The following CNTN3 variants were observed in gnomAD, a reference collection of about 807,000 sequenced individuals.
The protein encoded by CNTN3 is contactin 3, also known as contactin-3.
A neutral mutation model predicts 119.1 loss-of-function variants in CNTN3; 60 were observed. The ratio of observed to expected loss-of-function variants is 0.50; its 90% CI spans 0.41 to 0.62. The LOEUF is 0.62. Ranked by LOEUF, CNTN3 falls within the 20% of genes least tolerant of loss-of-function variation. The probability of loss-of-function intolerance (pLI) is 0.00; values close to 1 mark genes in which losing one functional copy is unlikely to be tolerated. For missense variants in CNTN3, 1,101 were observed against 1,242.4 expected, an observed-to-expected ratio of 0.89 and a Z score of 1.71; for synonymous variants, 450 against 438.7, an observed-to-expected ratio of 1.03 and a Z score of -0.32.
At chr3:74,480,427 G>A (rs1247276519) in intron 4 of CNTN3, among the ~76,000 whole-genome samples, 3 of 151,976 alleles carry the variant, frequency 2.0e-5, no homozygotes, top group Non-Finnish European at 4.4e-5. Context: ...TGCTGTGGTG[G>A]TAAGGTGGTG....
At chr3:74,291,966 C>T (rs1226783558) in intron 19 of CNTN3, among the ~76,000 whole-genome samples, 2 of 152,164 alleles carry the variant, frequency 1.3e-5, no homozygotes, top group African/African-American at 4.8e-5. Flanking sequence ...AAGCTTCAGA[C>T]ATTTATGTCT....
chr3:74,600,850 C>T (rs147080108), intron 1 of CNTN3, among the ~76,000 whole-genome samples: 8 of 152,132 alleles, frequency 5.3e-5, no homozygotes, highest in African/African-American at 1.9e-4. Context: ...CTTTGACTTC[C>T]AACTCTCCAA....
intron 11 of CNTN3, among the ~76,000 whole-genome samples, chr3:74,344,696 T>A (rs539704671): frequency 6.6e-6 from 1 of 152,076 alleles, no homozygotes; most frequent in South Asian, 2.1e-4. Flanking sequence ...CCTGACCTCG[T>A]GATCCGCCCG....
intron 22 of CNTN3, among the ~76,000 whole-genome samples, chr3:74,264,926 A>C (rs1014788348): frequency 1.3e-5 from 2 of 152,202 alleles, no homozygotes; most frequent in Admixed American, 6.6e-5. Flanking sequence ...CTATAAAAAC[A>C]GTAATGTGTT....
intron 5 of CNTN3, among the ~76,000 whole-genome samples, chr3:74,373,171 A>C (rs1176651394): frequency 6.6e-6 from 1 of 152,196 alleles, no homozygotes; most frequent in South Asian, 2.1e-4. Context: ...CTCAAACATT[A>C]TGGTTATTCT....
intron 2 of CNTN3, among the ~76,000 whole-genome samples, chr3:74,511,038 T>C (rs2107103579): frequency 6.6e-6 from 1 of 152,280 alleles, no homozygotes; most frequent in African/African-American, 2.4e-5. Context: ...TTTGCAGAGC[T>C]GCACGATGGT....
chr3:74,486,755 G>T, intron 3 of CNTN3, 124 bp from the exon 4 acceptor site: 1 of 757,744 alleles, frequency 1.3e-6, no homozygotes, highest in Non-Finnish European at 2.0e-6. Context: ...TATTATTCAA[G>T]TGTTACATAA....
intron 13 of CNTN3, among the ~76,000 whole-genome samples, chr3:74,305,800 G>T (rs1702551570): frequency 6.6e-6 from 1 of 151,098 alleles, no homozygotes; most frequent in South Asian, 2.1e-4. Flanking sequence ...TGCTCATTTT[G>T]TGAAAATGAA....
At chr3:74,397,971 T>C (rs1348253265) in intron 5 of CNTN3, among the ~76,000 whole-genome samples, 1 of 152,194 alleles carries the variant, frequency 6.6e-6, no homozygotes, top group Non-Finnish European at 1.5e-5. Flanking sequence ...TACAATTTCA[T>C]GATAAAACTT....
chr3:74,500,632 C>G (rs918923375), intron 2 of CNTN3, among the ~76,000 whole-genome samples: 8 of 151,530 alleles, frequency 5.3e-5, no homozygotes, highest in Admixed American at 2.6e-4. Context: ...CGTGAAAAGT[C>G]AGACAAAGAA....
intron 4 of CNTN3, among the ~76,000 whole-genome samples, chr3:74,430,019 A>G (rs1701757222): frequency 6.6e-6 from 1 of 152,230 alleles, no homozygotes; most frequent in South Asian, 2.1e-4. Context: ...AGGAGGCTGG[A>G]TGATTCAGAC....
intron 13 of CNTN3, among the ~76,000 whole-genome samples, chr3:74,319,004 T>G (rs1181778646): frequency 6.6e-6 from 1 of 152,058 alleles, no homozygotes; most frequent in African/African-American, 2.4e-5. Flanking sequence ...CACTGCTCAA[T>G]GAAATAAAAG....
At chr3:74,450,505 T>TGA (rs1702129860) in intron 4 of CNTN3, among the ~76,000 whole-genome samples, 1 of 149,508 alleles carries the variant, frequency 6.7e-6, no homozygotes, top group African/African-American at 2.5e-5. Flanking sequence ...AAGCCCTGTT[T>TGA]TTTTTTTTTT....
At chr3:74,485,525 CA>C (rs1026906840) in intron 4 of CNTN3, among the ~76,000 whole-genome samples, 3 of 151,804 alleles carry the variant, frequency 2.0e-5, no homozygotes, top group African/African-American at 7.3e-5. Context: ...AAATAGAAAG[CA>C]AAAGAATAGG....
chr3:74,442,500 C>T (rs1486413467), intron 4 of CNTN3, among the ~76,000 whole-genome samples: 7 of 152,080 alleles, frequency 4.6e-5, no homozygotes, highest in African/African-American at 9.7e-5. Context: ...AGGTCTAGCA[C>T]GTTTTTTGTT....
intron 11 of CNTN3, among the ~76,000 whole-genome samples, chr3:74,348,550 G>A (rs1477502121): frequency 2.0e-5 from 3 of 152,086 alleles, no homozygotes; most frequent in African/African-American, 7.2e-5. Context: ...CTGAGGCCAT[G>A]ATAGCATAGG....
chr3:74,428,502 A>G (rs1015093348), intron 4 of CNTN3, among the ~76,000 whole-genome samples: 3 of 152,208 alleles, frequency 2.0e-5, no homozygotes, highest in Non-Finnish European at 2.9e-5. Flanking sequence ...TAAAAAGAAA[A>G]CAAAATAAAA....
intron 1 of CNTN3, among the ~76,000 whole-genome samples, chr3:74,538,797 G>A (rs1703800701): frequency 1.3e-5 from 2 of 151,978 alleles, no homozygotes; most frequent in Admixed American, 6.6e-5. Flanking sequence ...ATAGAGACTC[G>A]TAACTGAAAG....
intron 1 of CNTN3, among the ~76,000 whole-genome samples, chr3:74,536,027 A>T (rs933710845): frequency 2.0e-5 from 3 of 152,142 alleles, no homozygotes; most frequent in Non-Finnish European, 4.4e-5. Flanking sequence ...AATTTTTTAA[A>T]AAAATTTCTT....
Sources: gnomAD v4.1 joint callset for allele counts (sites outside exome capture counted in the v4.1 genomes callset) on GRCh38, gnomAD v4.1.1 for gene constraint, MANE v1.5 for transcripts, NCBI Gene and HGNC (gene_info 2026-07-23, HGNC 2026-07-21) for gene names.